The following ADD3 variants were observed in gnomAD, a reference collection of about 807,000 sequenced individuals.
ADD3 encodes adducin 3.
A neutral mutation model predicts 80.2 loss-of-function variants in ADD3; 25 were observed. The ratio of observed to expected loss-of-function variants is 0.31; its 90% CI spans 0.23 to 0.44. The LOEUF (loss-of-function observed/expected upper bound fraction) is 0.44, where lower values mean the gene tolerates loss of function less well. ADD3 is among the 20% of genes least tolerant of loss of function. The pLI, the probability that ADD3 is intolerant of heterozygous loss-of-function variation, is 1.00. For synonymous variants in ADD3, 284 were observed against 289.6 expected (o/e 0.98, Z 0.20); for missense variants, 829 against 847.5 (o/e 0.98, Z 0.27).
Position 110,132,315 on chromosome 10 carries a change from G to A in ADD3, c.1743G>A (p.Gln581=), listed in dbSNP as rs369382788. The A allele has an allele frequency of 5.5e-5, 89 of 1,612,542 alleles. No homozygotes were observed. The highest frequency in any genetic ancestry group is 7.0e-5 in the Non-Finnish European group (83 of 1,179,054). ...RKQQGLEDAE[Q]ELLSDDASSV... ...ACTCTTATCCAACAGATGCTGAGCAGGAATTACTCTCAGATGACGCTTCAT... is the reference window on the plus strand; with the variant it reads ...ACTCTTATCCAACAGATGCTGAGCAAGAATTACTCTCAGATGACGCTTCAT... Residue 581 remains glutamine (Q), a synonymous_variant, in exon 14 of 15, where the codon CAG becomes CAA. Coordinates refer to ENST00000356080, the MANE Select transcript of ADD3 (RefSeq NM_016824.5).
chr10:110,040,544 A>G (rs1251088196), intron 1 of ADD3, among the ~76,000 whole-genome samples: 2 of 152,230 alleles, frequency 1.3e-5, no homozygotes, highest in Admixed American at 1.3e-4. Context: ...TTTATAGCAA[A>G]GATTATGCCG....
rs367814128 is a variant in ADD3 at position 110,122,213 on chromosome 10, G to A, written c.1064G>A (p.Gly355Asp). 1.2e-6 allele frequency: 2 copies of A among 1,614,162 alleles called. No homozygotes were observed. Among genetic ancestry groups the A allele is most frequent in the Non-Finnish European group, 1.7e-6 (2 of 1,180,002 alleles). Residue 355 changes from glycine (G) to aspartate (D), a missense_variant, in exon 9 of 15, where the codon GGT becomes GAT. By Grantham distance (94) the Gly-to-Asp change is moderately conservative. Coordinates refer to ENST00000356080, the MANE Select transcript of ADD3 (RefSeq NM_016824.5). ...TYTVAASGGGGVNMGSHQKWK... is the reference protein window; with the variant it reads ...TYTVAASGGGDVNMGSHQKWK... ...ACTGTAGCAGCGTCTGGTGGAGGAG[G>A]TGTGAATATGGGTTCCCATCAAAAA... is the stretch of plus-strand genomic sequence containing the variant.
intron 1 of ADD3, among the ~76,000 whole-genome samples, chr10:110,095,039 T>G (rs7095210): frequency 0.13 from 20,062 of 152,194 alleles, 4,252 homozygotes; most frequent in African/African-American, 0.45. Flanking sequence ...GTTTTTACTA[T>G]TCCCAGCCTA....
chr10:110,058,342 G>A (rs1858465267), intron 1 of ADD3, among the ~76,000 whole-genome samples: 1 of 152,122 alleles, frequency 6.6e-6, no homozygotes, highest in South Asian at 2.1e-4. Flanking sequence ...AAATTTCCCA[G>A]CTGTTGATAA....
intron 1 of ADD3, among the ~76,000 whole-genome samples, chr10:110,051,404 G>A (rs968391258): frequency 6.6e-6 from 1 of 152,120 alleles, no homozygotes; most frequent in Non-Finnish European, 1.5e-5. Context: ...CTATACAGTG[G>A]TTCCTCCAAA....
chr10:110,014,959 C>T (rs1202791756), intron 1 of ADD3, among the ~76,000 whole-genome samples: 1 of 151,810 alleles, frequency 6.6e-6, no homozygotes, highest in Non-Finnish European at 1.5e-5. Context: ...ATGCAACCTC[C>T]GACTCCCTGG....
upstream of ADD3, among the ~76,000 whole-genome samples, chr10:110,002,073 G>C (rs1290878178): frequency 6.6e-6 from 1 of 151,930 alleles, no homozygotes; most frequent in Non-Finnish European, 1.5e-5. Flanking sequence ...TGGGCAGATC[G>C]CTCGAGGCCA....
At chr10:110,124,355 T>G in intron 10 of ADD3, 81 bp downstream of exon 10, 1 of 1,464,376 alleles carries the variant, frequency 6.8e-7, no homozygotes, top group Non-Finnish European at 9.3e-7. Context: ...ATATTGAAAA[T>G]ATTTGGAAAG....
At chr10:110,124,386 T>A in intron 10 of ADD3, 112 bp downstream of exon 10, 1 of 1,254,046 alleles carries the variant, frequency 8.0e-7, no homozygotes, top group Non-Finnish European at 1.1e-6. Flanking sequence ...TTAAAAATAT[T>A]ACTGTCACTT....
chr10:110,098,121 A>G (rs1156326465), intron 1 of ADD3, among the ~76,000 whole-genome samples: 4 of 152,192 alleles, frequency 2.6e-5, no homozygotes, highest in Non-Finnish European at 5.9e-5. Flanking sequence ...AGTACTGGCC[A>G]GTTGTTTTGT....
At chr10:110,042,411 C>G (rs933894133) in intron 1 of ADD3, among the ~76,000 whole-genome samples, 1 of 152,092 alleles carries the variant, frequency 6.6e-6, no homozygotes, top group African/African-American at 2.4e-5. Context: ...TAAAGCCTTT[C>G]TTGTTCGTGT....
intron 3 of ADD3, among the ~76,000 whole-genome samples, chr10:110,113,862 G>C (rs915695554): frequency 2.0e-5 from 3 of 152,314 alleles, no homozygotes; most frequent in Admixed American, 2.0e-4. Context: ...GCAGCAATTG[G>C]AAGTGCAGTC....
At position 110,107,282 on chromosome 10, in the gene ADD3, A is replaced by G. The variant is rs1405780711; in HGVS notation, c.196-5495A>G. 2.0e-5 allele frequency among the ~76,000 whole-genome samples: 3 copies of G among 152,100 alleles called. No homozygotes were observed. The East Asian group carries it at 5.8e-4, about 29-fold the overall frequency. ...AATACAGAGATCCCTCCTAACTTGG[A>G]TGATTAGGTGACTTCAAGGAGAAGG... is the stretch of plus-strand genomic sequence containing the variant. On this transcript the variant is annotated intron_variant, in intron 2 of 14. Transcript: ENST00000356080.
intron 1 of ADD3, among the ~76,000 whole-genome samples, chr10:110,085,128 T>A (rs1846554867): frequency 6.6e-6 from 1 of 152,168 alleles, no homozygotes; most frequent in Non-Finnish European, 1.5e-5. Flanking sequence ...AATGTATACA[T>A]ACATTTTTAG....
chr10:110,001,698 A>C (rs1851489558), upstream of ADD3, among the ~76,000 whole-genome samples: 1 of 152,170 alleles, frequency 6.6e-6, no homozygotes, highest in Admixed American at 6.5e-5. Context: ...AAAAAGTCTC[A>C]ATCCAGGGCC....
At chr10:110,101,354 G>A (rs528640514) in intron 2 of ADD3, among the ~76,000 whole-genome samples, 1 of 152,264 alleles carries the variant, frequency 6.6e-6, no homozygotes, top group African/African-American at 2.4e-5. Flanking sequence ...TAGATTATAG[G>A]CCAGGCTCAG....
chr10:110,090,700 C>A (rs1451429885), intron 1 of ADD3, among the ~76,000 whole-genome samples: 1 of 152,152 alleles, frequency 6.6e-6, no homozygotes, highest in Non-Finnish European at 1.5e-5. Flanking sequence ...AACTGAAACA[C>A]CCTCTTAGCT....
intron 2 of ADD3, among the ~76,000 whole-genome samples, chr10:110,104,353 C>T (rs140943221): frequency 6.6e-6 from 1 of 152,320 alleles, no homozygotes; most frequent in East Asian, 1.9e-4. Flanking sequence ...AGTCATCCTT[C>T]CTTTTTCTTG....
chr10:110,115,075 G>C, intron 3 of ADD3, among the ~76,000 whole-genome samples: 1 of 120,184 alleles, frequency 8.3e-6, no homozygotes, highest in African/African-American at 3.5e-5. Context: ...TGATACCCCT[G>C]CCTCTAAAAA....
Sources: gnomAD v4.1 joint callset for allele counts (sites outside exome capture counted in the v4.1 genomes callset) on GRCh38, gnomAD v4.1.1 for gene constraint, MANE v1.5 for transcripts, NCBI Gene and HGNC (gene_info 2026-07-23, HGNC 2026-07-21) for gene names.